The following RPN2 variants were observed in gnomAD, a reference collection of about 807,000 sequenced individuals.
RPN2 encodes the protein dolichyl-diphosphooligosaccharide--protein glycosyltransferase subunit 2.
In RPN2, 29 loss-of-function variants were observed where a neutral mutation model predicts 71.4. The ratio of observed to expected loss-of-function variants is 0.41; its 90% CI spans 0.30 to 0.55. RPN2 has a LOEUF of 0.55. Among genes scored for constraint, RPN2 ranks in the 20% least tolerant of loss-of-function variants. RPN2 has a pLI of 0.35. For synonymous variants in RPN2, 308 were observed against 305.0 expected, an observed-to-expected ratio of 1.01 and a Z score of -0.10; for missense variants, 726 against 774.1, an observed-to-expected ratio of 0.94 and a Z score of 0.74.
rs1232153205 is a variant in RPN2, at chr20:37,241,321, GAAGA to G, written c.*11_*14del. 1 of 1,612,480 alleles carries G rather than the reference GAAGA, an allele frequency of 6.2e-7. No individual in the cohort carries two copies. Among genetic ancestry groups the G allele is most frequent in the African/African-American group, 1.3e-5 (1 of 74,926 alleles). ...CTTTCAGAACAGCACATTAGTTCCA[GAAGA>G]AAGATGGAAATTCTGAAAACTGAAT... On this transcript the variant is annotated 3_prime_UTR_variant, in exon 17 of 17. Transcript: ENST00000237530.
At chr20:37,182,064 A>G (rs973908981) in intron 1 of RPN2, among the ~76,000 whole-genome samples, 5 of 151,536 alleles carry the variant, frequency 3.3e-5, no homozygotes, top group African/African-American at 7.3e-5. Flanking sequence ...CACGTGATAG[A>G]TTTTTTCTTT....
At chr20:37,213,582 T>C (rs1738648625) in intron 8 of RPN2, among the ~76,000 whole-genome samples, 178 bp from the exon 9 acceptor site, 1 of 151,990 alleles carries the variant, frequency 6.6e-6, no homozygotes, top group South Asian at 2.1e-4. Flanking sequence ...AGTGAGAACC[T>C]GTCTCAAAAT....
At chr20:37,231,830 CT>C (rs1213215429) in intron 13 of RPN2, among the ~76,000 whole-genome samples, 2 of 152,108 alleles carry the variant, frequency 1.3e-5, no homozygotes, top group African/African-American at 4.8e-5. Context: ...GCTCTGTTAC[CT>C]TTTAAAAAGG....
intron 12 of RPN2, among the ~76,000 whole-genome samples, chr20:37,229,181 A>T (rs903892373): frequency 6.6e-6 from 1 of 152,250 alleles, no homozygotes; most frequent in Non-Finnish European, 1.5e-5. Flanking sequence ...ACAATGTGCA[A>T]AATGCTAATT....
intron 11 of RPN2, among the ~76,000 whole-genome samples, chr20:37,226,365 C>A (rs116495373): frequency 6.6e-6 from 1 of 152,218 alleles, no homozygotes; most frequent in East Asian, 1.9e-4. Flanking sequence ...GCACTAGACT[C>A]GAGGCTTTTT....
intron 8 of RPN2, among the ~76,000 whole-genome samples, chr20:37,211,175 C>T (rs2067653628): frequency 6.6e-6 from 1 of 151,862 alleles, no homozygotes; most frequent in Admixed American, 6.6e-5. Context: ...GCTGGGATTA[C>T]AGGTGTGTGA....
At chr20:37,217,061 G>A (rs1036215009) in intron 9 of RPN2, among the ~76,000 whole-genome samples, 1 of 151,588 alleles carries the variant, frequency 6.6e-6, no homozygotes, top group African/African-American at 2.4e-5. Flanking sequence ...CTCTCAGGTA[G>A]CTGGGACTAC....
At position 37,184,257 on chromosome 20, in the gene RPN2, A is replaced by G. The variant is rs1229095133; in HGVS notation, c.91A>G (p.Lys31Glu). 1.2e-6 allele frequency: 2 copies of G among 1,614,134 alleles called. No homozygotes were observed. Among genetic ancestry groups the G allele is most frequent in the Non-Finnish European group, 1.7e-6 (2 of 1,180,028 alleles). ...TCTGACGCCCACTCACTACCTCACC[A>G]AGCATGACGTGGAGAGACTAAAAGC... The part of the protein sequence containing the change: ...WALTPTHYLT[K>E]HDVERLKASL... The change falls in exon 2 of 17, where the codon AAG becomes GAG. Residue 31 changes from lysine to glutamate, a missense_variant. By Grantham distance (56) the Lys-to-Glu change is moderately conservative (BLOSUM62 1). Coordinates refer to ENST00000237530, the MANE Select transcript of RPN2 (RefSeq NM_002951.5).
At chr20:37,191,476 C>CA (rs558882789) in intron 2 of RPN2, among the ~76,000 whole-genome samples, 10 of 151,220 alleles carry the variant, frequency 6.6e-5, no homozygotes, top group East Asian at 5.8e-4. Flanking sequence ...GACCCTGTCT[C>CA]AAAAAAAAGG....
chr20:37,207,582 A>AGGGAAATGAGCC, intron 7 of RPN2, 133 bp downstream of exon 7: 1 of 848,352 alleles, frequency 1.2e-6, no homozygotes, highest in Non-Finnish European at 2.0e-6. Flanking sequence ...GGCAAGGCTC[A>AGGGAAATGAGCC]TTTCCCTGAG....
intron 15 of RPN2, among the ~76,000 whole-genome samples, chr20:37,235,153 T>G (rs2068352384): frequency 6.6e-6 from 1 of 152,192 alleles, no homozygotes; most frequent in Non-Finnish European, 1.5e-5. Flanking sequence ...TATGGTGCAG[T>G]GGTCCGTGAC....
intron 9 of RPN2, among the ~76,000 whole-genome samples, chr20:37,219,194 CTT>C (rs915822857): frequency 1.9e-4 from 29 of 152,260 alleles, no homozygotes; most frequent in Admixed American, 7.8e-4. Context: ...TATTATCTGA[CTT>C]TTTGATTTTC....
Position 37,199,135 on chromosome 20 carries a change from C to T in RPN2, c.389C>T (p.Ala130Val), listed in dbSNP as rs1270189725. 6.2e-7 allele frequency: 1 copy of T among 1,614,160 alleles called. No individual in the cohort carries two copies. Residue 130 changes from alanine (A) to valine (V), a missense_variant, in exon 4 of 17, where the codon GCA (alanine) becomes GTA (valine). Physicochemically the swap from Ala to Val is moderately conservative, Grantham distance 64. Coordinates refer to ENST00000237530, the MANE Select transcript of RPN2 (RefSeq NM_002951.5). ...SSVTQIYHAV[A>V]ALSGFGLPLA... Reference sequence around the variant, plus strand: ...GTTACCCAGATCTACCATGCAGTTGCAGCTCTAAGTGGCTTTGGCCTTCCC... The same window carrying T: ...GTTACCCAGATCTACCATGCAGTTGTAGCTCTAAGTGGCTTTGGCCTTCCC...
At chr20:37,213,639 C>A in intron 8 of RPN2, 121 bp from the exon 9 acceptor site, 1 of 783,770 alleles carries the variant, frequency 1.3e-6, no homozygotes, top group Non-Finnish European at 2.2e-6. Context: ...GGTGGGAAGT[C>A]AAAAAGGTAA....
intron 12 of RPN2, 22 bp from the exon 13 acceptor site, chr20:37,229,951 C>T (rs752345913): frequency 6.3e-7 from 1 of 1,583,918 alleles, no homozygotes; most frequent in South Asian, 1.1e-5. Flanking sequence ...TGTGCTTTTA[C>T]AGACTGTCCT....
rs140362807 is a variant in RPN2, at chr20:37,190,572, C to A, written c.207+6199C>A. Among the ~76,000 whole-genome samples the A allele has an allele frequency of 3.3e-3, 498 of 152,176 alleles. 1 individual carries two copies. Among genetic ancestry groups the A allele is most frequent in the Non-Finnish European group, 5.0e-3 (343 of 68,016 alleles). On this transcript the variant is annotated intron_variant, in intron 2 of 16. Coordinates refer to ENST00000237530, the MANE Select transcript of RPN2 (RefSeq NM_002951.5). ...TGGCATGTGGTAATACGTAGTATTA[C>A]CCTTATGAGTAGTATGACTATATAT...
rs529026231 is a variant in RPN2 at position 37,199,295 on chromosome 20, T to C, written c.479+70T>C. On this transcript the variant is annotated intron_variant, in intron 4 of 16. Transcript: ENST00000237530. ...GTCCTATCCGAAGAGGGCTCATTCA[T>C]TGGTTCAGCAAATACTTTCTGGGCA... The C allele has an allele frequency of 2.5e-6, 4 of 1,576,438 alleles. No individual in the cohort carries two copies. The South Asian group carries it at 3.4e-5, about 13-fold the overall frequency.
At chr20:37,198,521 A>C in intron 3 of RPN2, 29 bp downstream of exon 3, 4 of 1,614,000 alleles carry the variant, frequency 2.5e-6, no homozygotes, top group Non-Finnish European at 3.4e-6. Context: ...GCTGACAATG[A>C]CTTTAACTAT....
chr20:37,181,744 G>A (rs1437386792), intron 1 of RPN2, among the ~76,000 whole-genome samples: 1 of 152,040 alleles, frequency 6.6e-6, no homozygotes, highest in African/African-American at 2.4e-5. Flanking sequence ...TCTTAGCATA[G>A]TTTCCCACCA....
Sources: gnomAD v4.1 joint callset for allele counts (sites outside exome capture counted in the v4.1 genomes callset) on GRCh38, gnomAD v4.1.1 for gene constraint, MANE v1.5 for transcripts, NCBI Gene and HGNC (gene_info 2026-07-23, HGNC 2026-07-21) for gene names.